Variants in NBPF9 observed in about 807,000 individuals in gnomAD.
The protein encoded by NBPF9 is NBPF family member NBPF9.
NBPF9 carries 91 observed loss-of-function variants against 97.8 expected under a neutral mutation model. That is an observed-to-expected ratio of 0.93 (90% CI 0.79 to 1.11). The LOEUF is 1.11. Among genes scored for constraint, NBPF9 ranks in the 50% least tolerant of loss-of-function variants. NBPF9 has a pLI of 0.00. For missense variants in NBPF9, 992 were observed against 939.5 expected (o/e 1.06, Z -0.73); for synonymous variants, 334 against 359.5 (o/e 0.93, Z 0.80).
chr1:149,071,299 G>T (rs1432203097), intron 15 of NBPF9, among the ~76,000 whole-genome samples, 160 bp from the exon 16 acceptor site: 3 of 152,036 alleles, frequency 2.0e-5, no homozygotes, highest in Non-Finnish European at 4.4e-5. Context: ...TCTTCTCTCT[G>T]CAACAGACCA....
chr1:149,093,011 A>G (rs1432534534), intron 4 of NBPF9, among the ~76,000 whole-genome samples: 86,600 of 149,932 alleles, frequency 0.58, 25,227 homozygotes, highest in African/African-American at 0.63. Context: ...TTCAGCATAC[A>G]GAGGACCCAT....
At chr1:149,056,042 G>A (rs1276873433) in intron 29 of NBPF9, 143 bp from the exon 30 acceptor site, 3 of 1,505,122 alleles carry the variant, frequency 2.0e-6, no homozygotes, top group East Asian at 2.4e-5. Flanking sequence ...AAAATTTATT[G>A]CCTTTATGTT....
At chr1:149,095,806 A>G (rs1202187645) in intron 4 of NBPF9, among the ~76,000 whole-genome samples, 1 of 152,014 alleles carries the variant, frequency 6.6e-6, no homozygotes, top group African/African-American at 2.4e-5. Context: ...AACACACCAA[A>G]TGCTGTCGAA....
chr1:149,095,765 C>T (rs1553661348), intron 4 of NBPF9, among the ~76,000 whole-genome samples: 2 of 152,004 alleles, frequency 1.3e-5, no homozygotes, highest in African/African-American at 4.8e-5. Context: ...TCACTGTAAA[C>T]CTATCAGAAT....
At chr1:149,064,698 T>A (rs1161622532) in intron 18 of NBPF9, 2 of 615,942 alleles carry the variant, frequency 3.2e-6, no homozygotes, top group Non-Finnish European at 5.7e-6. Context: ...TGTGTTGGAA[T>A]GTTATCTTCC....
chr1:149,074,913 AG>A (rs2079726462), intron 12 of NBPF9, among the ~76,000 whole-genome samples: 1 of 151,246 alleles, frequency 6.6e-6, no homozygotes, highest in South Asian at 2.1e-4. Context: ...CTGGGTTCAA[AG>A]GATTCTCCTG....
At position 149,087,580 on chromosome 1, in the gene NBPF9, A is replaced by T. The variant is rs1455540814; in HGVS notation, c.-195+3173T>A. ...TAATATTGCTATTTTATTATTCTTG[A>T]TCATTGACATTACCATATAAATGGT... On this transcript the variant is annotated intron_variant, in intron 5 of 29. Coordinates refer to ENST00000584027, the Ensembl canonical transcript of NBPF9. Among the ~76,000 whole-genome samples, 48 of 150,094 alleles carry T rather than the reference A, an allele frequency of 3.2e-4. 1 individual carries two copies. Among genetic ancestry groups the T allele is most frequent in the Admixed American group, 3.0e-3 (45 of 15,036 alleles).
chr1:149,085,065 C>G (rs1575862813), intron 5 of NBPF9, among the ~76,000 whole-genome samples: 1 of 152,042 alleles, frequency 6.6e-6, no homozygotes, highest in African/African-American at 2.4e-5. Flanking sequence ...CTTTGCCCAC[C>G]TTTCCTTCAC....
At chr1:149,062,461 G>C (rs587641149) in intron 21 of NBPF9, among the ~76,000 whole-genome samples, 196 bp from the exon 22 acceptor site, 1 of 144,534 alleles carries the variant, frequency 6.9e-6, no homozygotes, top group Non-Finnish European at 1.5e-5. Context: ...AAGACAGGGA[G>C]AGGGAGAGAG....
exon 1 of NBPF9, chr1:149,103,542 T>C (rs1350994975): frequency 2.0e-5 from 3 of 152,280 alleles, no homozygotes; most frequent in Non-Finnish European, 2.9e-5. Context: ...AGGGTCCCGC[T>C]CGGCGCGTCA....
chr1:149,087,676 T>C (rs1351785280), intron 5 of NBPF9, among the ~76,000 whole-genome samples: 1 of 150,922 alleles, frequency 6.6e-6, no homozygotes, highest in Non-Finnish European at 1.5e-5. Flanking sequence ...GATCTGGAGA[T>C]CAATTTACGA....
At chr1:149,062,516 C>G (rs1553650359) in intron 21 of NBPF9, among the ~76,000 whole-genome samples, 7 of 144,036 alleles carry the variant, frequency 4.9e-5, no homozygotes, top group African/African-American at 2.6e-5. Context: ...GGGTGACACA[C>G]TGATGAAGGG....
At position 149,086,244 on chromosome 1, in the gene NBPF9, G is replaced by C. The variant is rs1196355548; in HGVS notation, c.-194-3814C>G. Among the ~76,000 whole-genome samples the C allele has an allele frequency of 3.4e-5, 5 of 148,548 alleles. No homozygotes were observed. In the South Asian group the frequency reaches 1.1e-3, roughly 32 times the overall value. ...ACAGGCCTCCCTAACAACTGTTTCA[G>C]TACCGACTGAGTGGTTCAATTAAAT... On this transcript the variant is annotated intron_variant, in intron 5 of 29. Transcript: ENST00000584027.
chr1:149,078,966 A>C, intron 9 of NBPF9, 41 bp downstream of exon 9: 1 of 962,724 alleles, frequency 1.0e-6, no homozygotes, highest in Admixed American at 2.0e-5. Context: ...GCCTCTCATA[A>C]GCCTGGGGTT....
chr1:149,085,405 C>T (rs1575863439), intron 5 of NBPF9, among the ~76,000 whole-genome samples: 2 of 152,088 alleles, frequency 1.3e-5, no homozygotes, highest in East Asian at 3.9e-4. Context: ...AGTAAGTCCT[C>T]CAACTTATTG....
intron 5 of NBPF9, among the ~76,000 whole-genome samples, chr1:149,084,663 G>T (rs1314366090): frequency 6.6e-6 from 1 of 151,462 alleles, no homozygotes; most frequent in Non-Finnish European, 1.5e-5. Flanking sequence ...CGGCCATTGT[G>T]GGCAACAAGG....
intron 17 of NBPF9, among the ~76,000 whole-genome samples, chr1:149,069,065 T>C (rs1399952780): frequency 1.4e-4 from 21 of 152,192 alleles, no homozygotes; most frequent in Non-Finnish European, 2.2e-4. Context: ...AGACGTTCTT[T>C]GAAACCAATG....
chr1:149,079,129 T>A (rs782516824), exon 9 of NBPF9: 2 of 1,294,404 alleles, frequency 1.5e-6, no homozygotes, highest in Non-Finnish European at 2.2e-6. Context: ...GAGATGCTCA[T>A]TCAATGAGCG....
intron 19 of NBPF9, 139 bp from the exon 20 acceptor site, chr1:149,063,944 C>T (rs2152876493): frequency 5.9e-6 from 4 of 678,596 alleles, no homozygotes; most frequent in East Asian, 2.7e-5. Context: ...AAATTATTGC[C>T]TTTATGTTGG....
Sources: allele counts gnomAD v4.1 joint callset (sites outside exome capture counted in the v4.1 genomes callset), GRCh38; gene constraint gnomAD v4.1.1; transcripts MANE v1.5; gene names NCBI Gene and HGNC (gene_info 2026-07-23, HGNC 2026-07-21).